The following PRDM2 variants were observed in gnomAD, a reference collection of about 807,000 sequenced individuals.
The protein encoded by PRDM2 is PR domain zinc finger protein 2.
In PRDM2, 30 loss-of-function variants were observed where a neutral mutation model predicts 130.0. That is an observed-to-expected ratio of 0.23 (90% confidence interval 0.17 to 0.31). The LOEUF (loss-of-function observed/expected upper bound fraction) is 0.31. Among genes scored for constraint, PRDM2 ranks in the 10% least tolerant of loss-of-function variants. The probability of loss-of-function intolerance (pLI) is 1.00; values close to 1 mark genes in which losing one functional copy is unlikely to be tolerated. For missense variants in PRDM2, 2,011 were observed against 2,108.4 expected (o/e 0.95, Z 0.90); for synonymous variants, 871 against 782.4 (o/e 1.11, Z -1.89).
intron 8 of PRDM2, among the ~76,000 whole-genome samples, chr1:13,797,509 A>G (rs1644940434): frequency 6.6e-6 from 1 of 152,248 alleles, no homozygotes; most frequent in Admixed American, 6.5e-5. Context: ...TAAAAATTAC[A>G]GACACAGCTC....
rs184648298 is a variant in PRDM2, at chr1:13,731,817, T to G, written c.127+700T>G. On this transcript the variant is annotated intron_variant, in intron 3 of 9. Transcript: ENST00000311066. ...TTAGATGTACTTCCGATATCCCAAT[T>G]TATATGTACATATGTATGAAAAAAT... is the stretch of plus-strand genomic sequence containing the variant. Among the ~76,000 whole-genome samples, 9 of 152,356 alleles carry G rather than the reference T, an allele frequency of 5.9e-5. 1 individual carries two copies. Among genetic ancestry groups the G allele is most frequent in the Admixed American group, 5.9e-4 (9 of 15,312 alleles).
intron 4 of PRDM2, among the ~76,000 whole-genome samples, chr1:13,734,041 GAC>G (rs1218259018): frequency 9.9e-5 from 15 of 152,254 alleles, no homozygotes; most frequent in Admixed American, 8.5e-4. Context: ...TGAAAAATCT[GAC>G]AGTTTCTCCC....
At chr1:13,737,407 G>C (rs1440439305) in intron 4 of PRDM2, among the ~76,000 whole-genome samples, 1 of 152,240 alleles carries the variant, frequency 6.6e-6, no homozygotes, top group Admixed American at 6.5e-5. Flanking sequence ...CATAATCACA[G>C]AGTTGAGCAG....
At chr1:13,810,759 A>G (rs7555028) in intron 8 of PRDM2, among the ~76,000 whole-genome samples, 4,000 of 151,626 alleles carry the variant, frequency 0.026, 169 homozygotes, top group African/African-American at 0.09. Flanking sequence ...CTCCCAAAGC[A>G]CTGGGATTAC....
At chr1:13,765,527 G>A (rs1384120822) in intron 6 of PRDM2, among the ~76,000 whole-genome samples, 2 of 151,778 alleles carry the variant, frequency 1.3e-5, no homozygotes, top group African/African-American at 4.8e-5. Context: ...GTGCAGTGGC[G>A]GGATCTAGGC....
intron 8 of PRDM2, among the ~76,000 whole-genome samples, chr1:13,784,810 T>A (rs1165036812): frequency 8.5e-5 from 13 of 152,100 alleles, no homozygotes. Flanking sequence ...ATGACAGGCA[T>A]TGGTGGCAGC....
rs1291490228 is a variant in PRDM2, at chr1:13,760,443, AG to A, written c.511+10957del. Reference sequence around the variant, plus strand: ...ATTGATCAGTACTTTGAAAATGGATAGCTTGTTTAAAATGAGCCTGGAGTGT... The same window carrying A: ...ATTGATCAGTACTTTGAAAATGGATACTTGTTTAAAATGAGCCTGGAGTGT... On this transcript the variant is annotated intron_variant, in intron 6 of 9. Coordinates refer to ENST00000311066, the MANE Select transcript of PRDM2 (RefSeq NM_001393986.1). 5.9e-5 allele frequency among the ~76,000 whole-genome samples: 9 copies of A among 152,242 alleles called. No homozygotes were observed. In the East Asian group the frequency reaches 1.7e-3, roughly 29 times the overall value.
At chr1:13,798,250 C>A (rs1284429926) in intron 8 of PRDM2, among the ~76,000 whole-genome samples, 1 of 152,192 alleles carries the variant, frequency 6.6e-6, no homozygotes, top group Non-Finnish European at 1.5e-5. Flanking sequence ...CCTCAGTGAC[C>A]TACTTATGTG....
chr1:13,776,116 C>T (rs567706199), intron 7 of PRDM2, among the ~76,000 whole-genome samples: 1 of 152,278 alleles, frequency 6.6e-6, no homozygotes, highest in Non-Finnish European at 1.5e-5. Context: ...CCGTACCACA[C>T]TCACTTCCAT....
chr1:13,784,298 C>G lies in PRDM2; in HGVS notation c.5036+1467C>G, dbSNP rs138061264. ...GTGCTCAGTCTGTGTTCTGGTGGTG[C>G]CACACCAACAGGACATGATCAAATT... On this transcript the variant is annotated intron_variant, in intron 8 of 9. Coordinates refer to ENST00000311066, the MANE Select transcript of PRDM2 (RefSeq NM_001393986.1). Among the ~76,000 whole-genome samples the G allele has an allele frequency of 3.5e-3, 537 of 152,232 alleles. 4 individuals are homozygous for G. Among genetic ancestry groups the G allele is most frequent in the African/African-American group, 0.013 (520 of 41,526 alleles).
chr1:13,711,050 A>G (rs1642354054), intron 1 of PRDM2, among the ~76,000 whole-genome samples: 1 of 148,740 alleles, frequency 6.7e-6, no homozygotes, highest in Non-Finnish European at 1.5e-5. Context: ...GTGCCACTGC[A>G]CTCCAGCCTG....
At chr1:13,795,022 CAAG>C (rs1030805986) in intron 8 of PRDM2, among the ~76,000 whole-genome samples, 1 of 152,202 alleles carries the variant, frequency 6.6e-6, no homozygotes, top group Non-Finnish European at 1.5e-5. Context: ...AGCTGTAAGA[CAAG>C]AAATCATTTT....
chr1:13,742,409 C>T (rs1199078377), intron 5 of PRDM2, among the ~76,000 whole-genome samples: 1 of 152,102 alleles, frequency 6.6e-6, no homozygotes, highest in Non-Finnish European at 1.5e-5. Flanking sequence ...GCTATGTTAC[C>T]CAGGCTGGTC....
At chr1:13,820,684 C>T (rs191811283) in intron 9 of PRDM2, among the ~76,000 whole-genome samples, 3 of 152,186 alleles carry the variant, frequency 2.0e-5, no homozygotes, top group East Asian at 3.9e-4. Flanking sequence ...GTGTAGAGGT[C>T]GCCCATCCCG....
rs766148750 is a variant in PRDM2 at position 13,782,799 on chromosome 1, C to T, written c.5004C>T (p.Asp1668=). ...AADLSENKRE[D]GSAKQELKDF... is the part of the protein sequence containing the mutation. ...ACTTGAGTGAGAACAAGAGAGAGGACGGCAGCGCCAAGCAGGAGCTGAAGG... is the reference window on the plus strand; with the variant it reads ...ACTTGAGTGAGAACAAGAGAGAGGATGGCAGCGCCAAGCAGGAGCTGAAGG... The change falls in exon 8 of 10, where the codon GAC becomes GAT. Residue 1668 remains aspartate (D), a synonymous_variant. Transcript: ENST00000311066. 19 of 1,608,324 alleles carry T rather than the reference C, an allele frequency of 1.2e-5. No individual in the cohort carries two copies. Among genetic ancestry groups the T allele is most frequent in the Middle Eastern group, 1.7e-4 (1 of 6,050 alleles).
At chr1:13,705,545 G>A (rs1642182507) in intron 1 of PRDM2, 1 of 152,146 alleles carries the variant, frequency 6.6e-6, no homozygotes, top group Non-Finnish European at 1.5e-5. Flanking sequence ...TTTCCGCTTG[G>A]CAATTTCCTT....
intron 8 of PRDM2, among the ~76,000 whole-genome samples, chr1:13,809,422 G>C (rs1296009358): frequency 1.3e-5 from 2 of 152,196 alleles, no homozygotes; most frequent in Non-Finnish European, 2.9e-5. Flanking sequence ...CGTGTAGCAG[G>C]AGAGAGTGAC....
chr1:13,716,221 A>G (rs1642531518), intron 2 of PRDM2, among the ~76,000 whole-genome samples: 2 of 148,622 alleles, frequency 1.3e-5, no homozygotes, highest in Non-Finnish European at 3.0e-5. Flanking sequence ...AACACCGCAT[A>G]TTCTTATTCA....
chr1:13,791,741 A>T (rs1037454399), intron 8 of PRDM2, among the ~76,000 whole-genome samples: 1 of 152,230 alleles, frequency 6.6e-6, no homozygotes, highest in African/African-American at 2.4e-5. Flanking sequence ...GCAGTTGCAA[A>T]AATTGCATTT....
Sources: allele counts gnomAD v4.1 joint callset (sites outside exome capture counted in the v4.1 genomes callset), GRCh38; gene constraint gnomAD v4.1.1; transcripts MANE v1.5; gene names NCBI Gene and HGNC (gene_info 2026-07-23, HGNC 2026-07-21).